Variants in CCDC77 observed in about 807,000 individuals in gnomAD.
The protein encoded by CCDC77 is coiled-coil domain containing 77.
Under a neutral mutation model 66.8 loss-of-function variants are expected in CCDC77, and 56 were observed. The ratio of observed to expected loss-of-function variants is 0.84; its 90% CI spans 0.68 to 1.05. The LOEUF (loss-of-function observed/expected upper bound fraction) is 1.05. CCDC77 is among the 50% of genes least tolerant of loss of function. The pLI, the probability that CCDC77 is intolerant of heterozygous loss-of-function variation, is 0.00. For missense variants in CCDC77, 570 were observed against 576.8 expected (o/e 0.99, Z 0.12); for synonymous variants, 196 against 195.2 (o/e 1.00, Z -0.03).
At chr12:436,841 C>G in intron 9 of CCDC77, 1 of 697,132 alleles carries the variant, frequency 1.4e-6, no homozygotes, top group Non-Finnish European at 1.8e-6. Context: ...GTATCACTTT[C>G]AAGCTACTTG....
At chr12:419,391 G>A (rs958741710) in intron 5 of CCDC77, among the ~76,000 whole-genome samples, 1 of 151,970 alleles carries the variant, frequency 6.6e-6, no homozygotes, top group Non-Finnish European at 1.5e-5. Context: ...ACAAGAAGGA[G>A]TCATAGCAGT....
At chr12:409,226 A>AG in intron 2 of CCDC77, 142 bp from the exon 3 acceptor site, 3 of 602,928 alleles carry the variant, frequency 5.0e-6, no homozygotes, top group Non-Finnish European at 2.9e-6. Flanking sequence ...AAAAAAAAAG[A>AG]AAAAAAAAAC....
intron 9 of CCDC77, among the ~76,000 whole-genome samples, chr12:433,882 A>G (rs1348851456): frequency 1.3e-5 from 2 of 152,006 alleles, no homozygotes; most frequent in Non-Finnish European, 2.9e-5. Context: ...GCAGGATTAT[A>G]TTTTTTTCTA....
At chr12:417,985 G>C (rs1292025266) in intron 4 of CCDC77, among the ~76,000 whole-genome samples, 1 of 152,072 alleles carries the variant, frequency 6.6e-6, no homozygotes, top group Admixed American at 6.6e-5. Flanking sequence ...TGAGAGCTTT[G>C]ATGTTAAATG....
intron 12 of CCDC77, among the ~76,000 whole-genome samples, 173 bp from the exon 13 acceptor site, chr12:441,601 C>A (rs913585166): frequency 2.6e-5 from 4 of 152,112 alleles, no homozygotes; most frequent in Non-Finnish European, 5.9e-5. Context: ...AGATTTCTGC[C>A]TTAATTCTAC....
At chr12:400,106 A>G (rs1246326058), upstream of CCDC77, among the ~76,000 whole-genome samples, 1 of 152,248 alleles carries the variant, frequency 6.6e-6, no homozygotes, top group African/African-American at 2.4e-5. Flanking sequence ...AGTAACGGAA[A>G]TAGCTCCTTT....
chr12:440,788 G>T (rs11062991), intron 11 of CCDC77, 46 bp downstream of exon 11: 20,346 of 1,613,226 alleles, frequency 0.013, 238 homozygotes, highest in African/African-American at 0.065. Flanking sequence ...AGTGCAGATG[G>T]CTGGGGAAGA....
chr12:406,846 C>G lies in CCDC77; in HGVS notation c.-17+1282C>G, dbSNP rs1244050855. On this transcript the variant is annotated intron_variant, in intron 2 of 12. Transcript: ENST00000239830. ...CCTGTCTTCCCAGCCACTCGGGAGGCTGAGACAGGAGAATCACTTGAATCC... is the reference window on the plus strand; with the variant it reads ...CCTGTCTTCCCAGCCACTCGGGAGGGTGAGACAGGAGAATCACTTGAATCC... 1.3e-5 allele frequency among the ~76,000 whole-genome samples: 2 copies of G among 152,320 alleles called. 1 individual carries two copies. The highest frequency in any genetic ancestry group is 4.8e-5 in the African/African-American group (2 of 41,564).
intron 4 of CCDC77, among the ~76,000 whole-genome samples, chr12:413,679 G>A (rs1945162566): frequency 6.8e-6 from 1 of 147,140 alleles, no homozygotes; most frequent in African/African-American, 2.6e-5. Flanking sequence ...CCAGGCTGGA[G>A]TGCAGTGACG....
intron 4 of CCDC77, among the ~76,000 whole-genome samples, chr12:415,494 T>C (rs1389080568): frequency 6.8e-6 from 1 of 147,900 alleles, no homozygotes; most frequent in African/African-American, 2.5e-5. Flanking sequence ...ATTATTAACA[T>C]AATTATTAAC....
Position 441,773 on chromosome 12 carries a change from G to A in CCDC77, c.1321-1G>A, listed in dbSNP as rs775710964. The A allele has an allele frequency of 1.3e-6, 2 of 1,599,970 alleles. No individual in the cohort carries two copies. The highest frequency in any genetic ancestry group is 1.1e-5 in the South Asian group (1 of 89,500). On this transcript the variant is annotated splice_acceptor_variant, in intron 12 of 12. Transcript: ENST00000239830. LOFTEE classifies it high-confidence loss of function. ...TTTTTTTTTTTTTTTCAAACCCCTA[G>A]GCAACAGTTAATGCCCGGGCAAACC... is the stretch of plus-strand genomic sequence containing the variant.
chr12:410,412 C>T (rs991209195), intron 3 of CCDC77, among the ~76,000 whole-genome samples: 14 of 151,942 alleles, frequency 9.2e-5, no homozygotes, highest in East Asian at 3.9e-4. Context: ...GGATTACACA[C>T]GCGTGCCACC....
chr12:439,852 A>G (rs766374575), intron 10 of CCDC77, among the ~76,000 whole-genome samples: 5 of 152,222 alleles, frequency 3.3e-5, no homozygotes, highest in Non-Finnish European at 7.3e-5. Context: ...CATGAAAATT[A>G]TATGTAGTTG....
intron 7 of CCDC77, 35 bp downstream of exon 7, chr12:430,771 A>G: frequency 2.6e-6 from 4 of 1,521,802 alleles, no homozygotes; most frequent in South Asian, 1.1e-5. Flanking sequence ...AATTCTCATC[A>G]ATGCAGAATT....
Position 438,428 on chromosome 12 carries a change from T to C in CCDC77, c.915T>C (p.Leu305=). The C allele has an allele frequency of 6.2e-7, 1 of 1,613,890 alleles. No homozygotes were observed. The highest frequency in any genetic ancestry group is 1.7e-5 in the Admixed American group (1 of 60,020). ...ENQNKEKSWM[L]EKDNLMSKIK... is the part of the protein sequence containing the mutation. Reference sequence around the variant, plus strand: ...AAAATAAAGAGAAGTCATGGATGCTTGAAAAAGATAATTTGATGTCAAAGA... The same window carrying C: ...AAAATAAAGAGAAGTCATGGATGCTCGAAAAAGATAATTTGATGTCAAAGA... The change falls in exon 10 of 13, where the codon CTT becomes CTC. Residue 305 remains leucine (L), a synonymous_variant. Coordinates refer to ENST00000239830, the MANE Select transcript of CCDC77 (RefSeq NM_032358.4).
intron 7 of CCDC77, among the ~76,000 whole-genome samples, chr12:431,336 A>C (rs1945648074): frequency 6.6e-6 from 1 of 151,072 alleles, no homozygotes; most frequent in Admixed American, 6.6e-5. Flanking sequence ...CTCCTACCTC[A>C]ACCTCCTGAG....
At chr12:434,569 C>T (rs1312323767) in intron 9 of CCDC77, among the ~76,000 whole-genome samples, 1 of 152,140 alleles carries the variant, frequency 6.6e-6, no homozygotes, top group Non-Finnish European at 1.5e-5. Flanking sequence ...CCAGGCTGAT[C>T]TAGAACTCCC....
rs1037222188 is a variant in CCDC77, at chr12:409,153, C to T, written c.-16-215C>T. Among the ~76,000 whole-genome samples, 7 of 148,600 alleles carry T rather than the reference C, an allele frequency of 4.7e-5. No individual in the cohort carries two copies. In the East Asian group the frequency reaches 9.9e-4, roughly 21 times the overall value. ...CCAGAAGGCAGAGGTTGCAGTGAGC[C>T]GAGATCACACCACTGCACTCCAGCT... On this transcript the variant is annotated intron_variant, in intron 2 of 12. Coordinates refer to ENST00000239830, the MANE Select transcript of CCDC77 (RefSeq NM_032358.4).
chr12:431,591 A>G (rs1945653181), intron 7 of CCDC77, among the ~76,000 whole-genome samples: 1 of 152,208 alleles, frequency 6.6e-6, no homozygotes, highest in Non-Finnish European at 1.5e-5. Context: ...GGTTGATTCT[A>G]AGGAAAATTT....
Sources: gnomAD v4.1 joint callset for allele counts (sites outside exome capture counted in the v4.1 genomes callset) on GRCh38, gnomAD v4.1.1 for gene constraint, MANE v1.5 for transcripts, NCBI Gene and HGNC (gene_info 2026-07-23, HGNC 2026-07-21) for gene names.